Variants in KCNH1 observed in about 807,000 individuals in gnomAD.
The protein encoded by KCNH1 is voltage-gated delayed rectifier potassium channel KCNH1.
A neutral mutation model predicts 69.2 loss-of-function variants in KCNH1; 27 were observed. That is an observed-to-expected ratio of 0.39 (90% CI 0.29 to 0.54). The LOEUF is 0.54. Ranked by LOEUF, KCNH1 falls within the 20% of genes least tolerant of loss-of-function variation. The probability of loss-of-function intolerance (pLI) is 0.68; values close to 1 mark genes in which losing one functional copy is unlikely to be tolerated. For missense variants in KCNH1, 798 were observed against 1,261.6 expected, an observed-to-expected ratio of 0.63 and a Z score of 5.57; for synonymous variants, 456 against 487.7, an observed-to-expected ratio of 0.93 and a Z score of 0.86.
At chr1:210,745,782 G>C (rs1400207086) in intron 10 of KCNH1, among the ~76,000 whole-genome samples, 2 of 152,186 alleles carry the variant, frequency 1.3e-5, no homozygotes, top group East Asian at 1.9e-4. Flanking sequence ...GCTTTTCAGG[G>C]GAGGCCTTAG....
intron 10 of KCNH1, among the ~76,000 whole-genome samples, chr1:210,709,504 T>C (rs924352552): frequency 6.6e-6 from 1 of 152,266 alleles, no homozygotes; most frequent in Middle Eastern, 3.4e-3. Flanking sequence ...AGCTGCTCAA[T>C]TGGTGGTACT....
intron 5 of KCNH1, among the ~76,000 whole-genome samples, chr1:211,077,172 T>G (rs998703934): frequency 9.2e-5 from 14 of 152,154 alleles, no homozygotes. Flanking sequence ...TGGAACCAAG[T>G]TGGAAAACAC....
At chr1:211,121,766 T>G (rs1477851475) in intron 1 of KCNH1, among the ~76,000 whole-genome samples, 1 of 152,118 alleles carries the variant, frequency 6.6e-6, no homozygotes, top group African/African-American at 2.4e-5. Flanking sequence ...GGGAGAAAAT[T>G]TTTGCAATCT....
At chr1:211,074,097 T>TAAAA (rs59971801) in intron 5 of KCNH1, among the ~76,000 whole-genome samples, 36 of 119,722 alleles carry the variant, frequency 3.0e-4, no homozygotes, top group African/African-American at 7.9e-4. Context: ...TTCCACCAAT[T>TAAAA]AAAAAAAAAA....
At chr1:210,981,053 C>T (rs1367559047) in intron 6 of KCNH1, among the ~76,000 whole-genome samples, 1 of 152,112 alleles carries the variant, frequency 6.6e-6, no homozygotes, top group Non-Finnish European at 1.5e-5. Context: ...TTATATCCCT[C>T]TCTCTAAGCA....
At chr1:211,095,359 G>A (rs1558602362) in intron 3 of KCNH1, among the ~76,000 whole-genome samples, 1 of 152,156 alleles carries the variant, frequency 6.6e-6, no homozygotes, top group Non-Finnish European at 1.5e-5. Flanking sequence ...GATGGCAGAG[G>A]CTGCTGCTGC....
chr1:210,933,461 T>C (rs776830378), intron 6 of KCNH1, among the ~76,000 whole-genome samples: 1 of 151,800 alleles, frequency 6.6e-6, no homozygotes, highest in Non-Finnish European at 1.5e-5. Flanking sequence ...CATGTATACA[T>C]ATGTAACTAA....
chr1:210,717,968 G>T (rs116478013), intron 10 of KCNH1, among the ~76,000 whole-genome samples: 3,828 of 151,894 alleles, frequency 0.025, 116 homozygotes, highest in East Asian at 0.14. Context: ...TTAGCCAGGC[G>T]TGGTGGTGTG....
intron 7 of KCNH1, among the ~76,000 whole-genome samples, chr1:210,844,214 A>C (rs1472958616): frequency 6.6e-6 from 1 of 152,188 alleles, no homozygotes; most frequent in Non-Finnish European, 1.5e-5. Flanking sequence ...GTCTGGCATA[A>C]AACTGGCATT....
chr1:211,089,079 A>G (rs1423016776), intron 4 of KCNH1, among the ~76,000 whole-genome samples: 1 of 152,216 alleles, frequency 6.6e-6, no homozygotes, highest in African/African-American at 2.4e-5. Context: ...TTCCAGTAGT[A>G]ATAAAAACAA....
chr1:211,002,339 TATATATATATATATA>T (rs1170577809), intron 6 of KCNH1, among the ~76,000 whole-genome samples: 2 of 115,994 alleles, frequency 1.7e-5, no homozygotes, highest in Non-Finnish European at 3.3e-5. Flanking sequence ...TGTGTGTGTG[TATATATATATATATA>T]CACACACACA....
chr1:210,817,665 A>T (rs1455744426), intron 7 of KCNH1, among the ~76,000 whole-genome samples: 1 of 152,174 alleles, frequency 6.6e-6, no homozygotes, highest in Non-Finnish European at 1.5e-5. Context: ...ATACTGACTC[A>T]TTTAAATCTC....
chr1:211,077,578 AGGCCTG>A (rs1337205706), intron 5 of KCNH1, among the ~76,000 whole-genome samples: 5 of 152,202 alleles, frequency 3.3e-5, no homozygotes, highest in African/African-American at 1.2e-4. Context: ...TGTCACCACC[AGGCCTG>A]CCCTAAAAGA....
intron 7 of KCNH1, among the ~76,000 whole-genome samples, chr1:210,833,047 A>G (rs1685196481): frequency 6.6e-6 from 1 of 151,936 alleles, no homozygotes; most frequent in South Asian, 2.1e-4. Flanking sequence ...TCCTCACACC[A>G]GATCATTAAT....
At chr1:211,030,324 A>G (rs977012494) in intron 5 of KCNH1, among the ~76,000 whole-genome samples, 1 of 152,202 alleles carries the variant, frequency 6.6e-6, no homozygotes, top group Non-Finnish European at 1.5e-5. Context: ...GCTGTTTTTA[A>G]AAAGAAAGTA....
chr1:210,844,229 T>G (rs891759433), intron 7 of KCNH1, among the ~76,000 whole-genome samples: 1 of 152,168 alleles, frequency 6.6e-6, no homozygotes, highest in Non-Finnish European at 1.5e-5. Flanking sequence ...GGCATTCAAA[T>G]AGGTTTCTTC....
In KCNH1 at chr1:210,678,911, C is replaced by T. The variant is rs1461173049; in HGVS notation, c.*4370G>A. ...AGTTTAATGGCAGGCAGGGAGGGCACCCACCAGTCTGGCACCTGCAGGGAA... is the reference window on the plus strand; with the variant it reads ...AGTTTAATGGCAGGCAGGGAGGGCATCCACCAGTCTGGCACCTGCAGGGAA... On this transcript the variant is annotated 3_prime_UTR_variant, in exon 11 of 11. Transcript: ENST00000271751. 2 of 152,122 alleles carry T rather than the reference C, an allele frequency of 1.3e-5. No homozygotes were observed. The highest frequency in any genetic ancestry group is 2.9e-5 in the Non-Finnish European group (2 of 68,036). 9.4% of individuals were successfully genotyped at this position (152,122 alleles called of 1,614,324 possible). A position where few individuals can be genotyped will look rare whatever the true frequency, so the allele number is the denominator to read the frequency against.
intron 7 of KCNH1, among the ~76,000 whole-genome samples, chr1:210,904,898 TG>T (rs1687071026): frequency 6.6e-6 from 1 of 152,218 alleles, no homozygotes; most frequent in African/African-American, 2.4e-5. Context: ...CACCTAGCTT[TG>T]GGAACTTTTC....
At chr1:210,797,038 A>G (rs1462160093) in intron 9 of KCNH1, among the ~76,000 whole-genome samples, 2 of 152,162 alleles carry the variant, frequency 1.3e-5, no homozygotes, top group African/African-American at 4.8e-5. Flanking sequence ...CAGCCACACT[A>G]AATAATTTGT....
Sources: gnomAD v4.1 joint callset for allele counts (sites outside exome capture counted in the v4.1 genomes callset) on GRCh38, gnomAD v4.1.1 for gene constraint, MANE v1.5 for transcripts, NCBI Gene and HGNC (gene_info 2026-07-23, HGNC 2026-07-21) for gene names.